Variants in LRRC53 observed in about 807,000 individuals in gnomAD.
LRRC53 encodes leucine-rich repeat-containing protein 53.
LRRC53 carries 25 observed loss-of-function variants against 13.6 expected under a neutral mutation model. That is an observed-to-expected ratio of 1.83 (90% CI 1.34 to 2.56). LRRC53 has a LOEUF of 2.56. Among genes scored for constraint, LRRC53 ranks in the 30% most tolerant of loss-of-function variants. The pLI is 0.00. For synonymous variants in LRRC53, 204 were observed against 109.8 expected, an observed-to-expected ratio of 1.86 and a Z score of -5.37; for missense variants, 527 against 275.8, an observed-to-expected ratio of 1.91 and a Z score of -6.45.
intron 1 of LRRC53, among the ~76,000 whole-genome samples, chr1:74,498,257 C>T (rs1046043690): frequency 3.3e-5 from 5 of 152,122 alleles, no homozygotes; most frequent in African/African-American, 1.2e-4. Context: ...TGACATCCCC[C>T]TTATCTTGTC....
chr1:74,496,645 G>T (rs910961623), intron 1 of LRRC53, among the ~76,000 whole-genome samples: 3 of 152,012 alleles, frequency 2.0e-5, no homozygotes, highest in Admixed American at 1.3e-4. Context: ...ATTTAGAGGT[G>T]CAAAATTGTG....
intron 1 of LRRC53, among the ~76,000 whole-genome samples, chr1:74,505,990 C>T (rs897220510): frequency 6.6e-6 from 1 of 152,166 alleles, no homozygotes; most frequent in African/African-American, 2.4e-5. Flanking sequence ...AATGAAATCA[C>T]TTTTTGTTTT....
intron 1 of LRRC53, among the ~76,000 whole-genome samples, chr1:74,494,189 G>A (rs989803882): frequency 6.6e-6 from 1 of 152,110 alleles, no homozygotes; most frequent in East Asian, 1.9e-4. Flanking sequence ...ACCCACACCT[G>A]CATATACATA....
intron 4 of LRRC53, 23 bp downstream of exon 4, chr1:74,475,272 T>G (rs45627331): frequency 6.4e-6 from 4 of 625,682 alleles, no homozygotes; most frequent in Non-Finnish European, 8.7e-6. Context: ...GGAGTGGGAT[T>G]TTCTAAAACA....
the LRRC53 span, among the ~76,000 whole-genome samples, chr1:74,536,920 C>T: frequency 6.6e-6 from 1 of 152,172 alleles, no homozygotes; most frequent in South Asian, 2.1e-4. Flanking sequence ...ATCCGGGCAT[C>T]TGTGAAATGC....
At chr1:74,515,286 T>C (rs1406938772), upstream of LRRC53, among the ~76,000 whole-genome samples, 1 of 152,158 alleles carries the variant, frequency 6.6e-6, no homozygotes, top group African/African-American at 2.4e-5. Flanking sequence ...GAATGTTAGG[T>C]CAGTGCCCTT....
At chr1:74,535,072 G>A in the LRRC53 span, among the ~76,000 whole-genome samples, 6 of 152,146 alleles carry the variant, frequency 3.9e-5, no homozygotes, top group Non-Finnish European at 8.8e-5. Context: ...TGTTGGACAC[G>A]TCAGATAAGG....
rs1362341526 is a variant in LRRC53, at chr1:74,489,220, A to G, written c.-26-5845T>C. On this transcript the variant is annotated intron_variant, in intron 1 of 4. Transcript: ENST00000294635. ...CCCGAATTTTCTGAAGTTGTCATGAAGTTAGAAGAGTGTCTCTGCAACATT... is the reference window on the plus strand; with the variant it reads ...CCCGAATTTTCTGAAGTTGTCATGAGGTTAGAAGAGTGTCTCTGCAACATT... 2.5e-6 allele frequency: 4 copies of G among 1,612,308 alleles called. No homozygotes were observed. In the South Asian group the frequency reaches 4.4e-5, roughly 18 times the overall value.
the LRRC53 span, among the ~76,000 whole-genome samples, chr1:74,525,082 G>A: frequency 6.6e-6 from 1 of 152,140 alleles, no homozygotes; most frequent in African/African-American, 2.4e-5. Context: ...TCTTCAGTGT[G>A]ATAAAAAACA....
rs61729310 is a variant in LRRC53 at position 74,472,163 on chromosome 1, G to A, written c.1459C>T (p.Pro487Ser). Residue 487 changes from proline to serine, a missense_variant, in exon 5 of 5, where the codon CCC becomes TCC. By Grantham distance (74) the Pro-to-Ser change is moderately conservative. Coordinates refer to ENST00000294635, the MANE Select transcript of LRRC53 (RefSeq NM_001382280.1). ...SDIFRRRYAT[P>S]ASALAGESLE... The stretch of plus-strand genomic sequence containing the variant: ...CTTTCTCCTGCCAAGGCTGAAGCGG[G>A]TGTTGCATATCTTCTTCTAAATATG... 16 of 716,912 alleles carry A rather than the reference G, an allele frequency of 2.2e-5. No homozygotes were observed. The highest frequency in any genetic ancestry group is 2.1e-4 in the African/African-American group (12 of 57,190). The allele number at this position is 716,912 out of a possible 1,614,324, so 44.4% of individuals were successfully genotyped here. A position where few individuals can be genotyped will look rare whatever the true frequency, so the allele number is the denominator to read the frequency against.
intron 1 of LRRC53, among the ~76,000 whole-genome samples, chr1:74,495,898 G>A (rs1253993787): frequency 6.6e-6 from 1 of 152,134 alleles, no homozygotes; most frequent in East Asian, 1.9e-4. Context: ...GTATATGAAG[G>A]CAGAGGAAGT....
upstream of LRRC53, among the ~76,000 whole-genome samples, chr1:74,513,557 A>T (rs1029953422): frequency 6.6e-6 from 1 of 151,986 alleles, no homozygotes; most frequent in Non-Finnish European, 1.5e-5. Flanking sequence ...TTTTTTCTCT[A>T]TGCCAAACCT....
intron 1 of LRRC53, among the ~76,000 whole-genome samples, chr1:74,493,443 A>G (rs1280900379): frequency 6.6e-6 from 1 of 152,224 alleles, no homozygotes; most frequent in Non-Finnish European, 1.5e-5. Context: ...AAAGAAATCA[A>G]CATTCTTTCA....
chr1:74,476,881 C>CT (rs369729455), intron 3 of LRRC53, among the ~76,000 whole-genome samples: 8 of 152,012 alleles, frequency 5.3e-5, no homozygotes, highest in Non-Finnish European at 1.0e-4. Context: ...ATGATTGTTT[C>CT]TTTTTTTTCT....
upstream of LRRC53, among the ~76,000 whole-genome samples, chr1:74,513,121 G>A (rs187774889): frequency 5.9e-5 from 9 of 152,334 alleles, no homozygotes; most frequent in South Asian, 2.1e-4. Context: ...TTGCTCAGTC[G>A]ATACTGTTTC....
intron 4 of LRRC53, 137 bp downstream of exon 4, chr1:74,475,158 A>G (rs1358251584): frequency 2.4e-4 from 130 of 548,774 alleles, no homozygotes; most frequent in Non-Finnish European, 3.9e-5. Flanking sequence ...ACACACACAC[A>G]GTATTTTTAG....
chr1:74,492,192 T>TA lies in LRRC53; in HGVS notation c.-26-8818_-26-8817insT, dbSNP rs778467156. ...ACCGGGGAGGACCTGGCCGGAGTCA[T>TA]GTGGCAGCATTAAGAAGTCGTTTCG... On this transcript the variant is annotated intron_variant, in intron 1 of 4. Coordinates refer to ENST00000294635, the MANE Select transcript of LRRC53 (RefSeq NM_001382280.1). The TA allele has an allele frequency of 6.2e-7, 1 of 1,613,190 alleles. No individual in the cohort carries two copies. Among genetic ancestry groups the TA allele is most frequent in the East Asian group, 2.2e-5 (1 of 44,874 alleles).
chr1:74,487,654 G>A lies in LRRC53; in HGVS notation c.-26-4279C>T, dbSNP rs549494045. 3.3e-5 allele frequency among the ~76,000 whole-genome samples: 5 copies of A among 152,246 alleles called. No homozygotes were observed. In the South Asian group the frequency reaches 8.3e-4, roughly 25 times the overall value. ...TAAGGTAAAGGGAAAGTGAGTGACA[G>A]CGAAAAGATGATGAAGTGAGCAAAA... is the stretch of plus-strand genomic sequence containing the variant. On this transcript the variant is annotated intron_variant, in intron 1 of 4. Coordinates refer to ENST00000294635, the MANE Select transcript of LRRC53 (RefSeq NM_001382280.1).
At chr1:74,522,024 T>A in the LRRC53 span, among the ~76,000 whole-genome samples, 1 of 152,164 alleles carries the variant, frequency 6.6e-6, no homozygotes, top group African/African-American at 2.4e-5. Context: ...TATATCAACA[T>A]CCCTTCCAGT....
Sources: allele counts gnomAD v4.1 joint callset (sites outside exome capture counted in the v4.1 genomes callset), GRCh38; gene constraint gnomAD v4.1.1; transcripts MANE v1.5; gene names NCBI Gene and HGNC (gene_info 2026-07-23, HGNC 2026-07-21).